The following WNT5B variants were observed in gnomAD, a reference collection of about 807,000 sequenced individuals.
WNT5B encodes protein Wnt-5b.
WNT5B carries 18 observed loss-of-function variants against 36.5 expected under a neutral mutation model. That is an observed-to-expected ratio of 0.49 (90% confidence interval 0.34 to 0.73). The LOEUF is 0.73. WNT5B is among the 30% of genes least tolerant of loss of function. WNT5B has a pLI of 0.01. For missense variants in WNT5B, 424 were observed against 508.4 expected, an observed-to-expected ratio of 0.83 and a Z score of 1.60; for synonymous variants, 213 against 212.3, an observed-to-expected ratio of 1.00 and a Z score of -0.03.
rs60739367 is a variant in WNT5B, at chr12:1,623,696, T to C, written c.-58+6553T>C. 4.2e-3 allele frequency among the ~76,000 whole-genome samples: 635 copies of C among 152,298 alleles called. 4 individuals are homozygous for C. The highest frequency in any genetic ancestry group is 0.015 in the African/African-American group (620 of 41,574). ...CCCTCCACGTTCTCTCCAAACCTTATGTTTCTTCACGTGCACTCTGTACCT... is the reference window on the plus strand; with the variant it reads ...CCCTCCACGTTCTCTCCAAACCTTACGTTTCTTCACGTGCACTCTGTACCT... On this transcript the variant is annotated intron_variant, in intron 1 of 4. Transcript: ENST00000310594.
At chr12:1,635,645 C>T (rs916763489) in intron 3 of WNT5B, among the ~76,000 whole-genome samples, 5 of 152,222 alleles carry the variant, frequency 3.3e-5, no homozygotes, top group African/African-American at 1.2e-4. Flanking sequence ...GCTTGGGAGG[C>T]TCCCTCCGTT....
chr12:1,637,273 G>C (rs896303431), intron 3 of WNT5B, among the ~76,000 whole-genome samples: 1 of 152,164 alleles, frequency 6.6e-6, no homozygotes, highest in Non-Finnish European at 1.5e-5. Flanking sequence ...GCTGCAAGAA[G>C]CATTCCTATG....
chr12:1,621,736 G>A (rs1209707131), intron 1 of WNT5B, among the ~76,000 whole-genome samples: 1 of 148,494 alleles, frequency 6.7e-6, no homozygotes, highest in Non-Finnish European at 1.5e-5. Flanking sequence ...GTAGAGATGA[G>A]GCCTCACTAT....
At position 1,646,027 on chromosome 12, in the gene WNT5B, C is replaced by G; in HGVS notation, c.855C>G (p.Pro285=). 1 of 1,612,926 alleles carries G rather than the reference C, an allele frequency of 6.2e-7. No individual in the cohort carries two copies. The highest frequency in any genetic ancestry group is 8.5e-7 in the Non-Finnish European group (1 of 1,179,984). ...PEDLVYVDPS[P]DYCLRNESTG... ...ACCTGGTCTATGTGGACCCCAGCCC[C>G]GACTACTGCCTGCGCAACGAGAGCA... Residue 285 remains proline (P), a synonymous_variant, in exon 5 of 5, where the codon CCC becomes CCG. Coordinates refer to ENST00000397196, the MANE Select transcript of WNT5B (RefSeq NM_032642.3).
chr12:1,639,530 G>A (rs1259017441), intron 3 of WNT5B, among the ~76,000 whole-genome samples, 154 bp from the exon 4 acceptor site: 3 of 152,254 alleles, frequency 2.0e-5, no homozygotes, highest in South Asian at 2.1e-4. Flanking sequence ...ATAAAGAGAC[G>A]TTTCCAAGCG....
chr12:1,631,371 T>C lies in WNT5B; in HGVS notation c.17T>C (p.Leu6Pro). 6.2e-7 allele frequency: 1 copy of C among 1,614,214 alleles called. No homozygotes were observed. Among genetic ancestry groups the C allele is most frequent in the South Asian group, 1.1e-5 (1 of 91,092 alleles). Residue 6 changes from leucine (L) to proline (P), a missense_variant, in exon 2 of 5, where the codon CTG becomes CCG. Coordinates refer to ENST00000397196, the MANE Select transcript of WNT5B (RefSeq NM_032642.3). The part of the protein sequence containing the change: MPSLL[L>P]LFTAALLSSW... ...AGGCCGACCATGCCCAGCCTGCTGC[T>C]GCTGTTCACGGCTGCTCTGCTGTCC...
intron 4 of WNT5B, among the ~76,000 whole-genome samples, chr12:1,641,137 C>T (rs949103509): frequency 2.0e-5 from 3 of 152,160 alleles, no homozygotes; most frequent in Non-Finnish European, 2.9e-5. Flanking sequence ...GTAATCCCAG[C>T]GCTTTGGGAG....
rs1473427654 is a variant in WNT5B at position 1,644,808 on chromosome 12, T to G, written c.622-986T>G. On this transcript the variant is annotated intron_variant, in intron 4 of 4. Transcript: ENST00000397196. This position sits in a 1 kb window ranked among gnomAD's most constrained non-coding sequence, Gnocchi z 5.1. ...CTGCTCTTGCTTTTACATTTTGATT[T>G]GGGATAACTCAAGTTCAAATCTACT... 6.6e-6 allele frequency: 1 copy of G among 152,240 alleles called. No homozygotes were observed. The highest frequency in any genetic ancestry group is 2.4e-5 in the African/African-American group (1 of 41,458). 9.4% of individuals were successfully genotyped at this position (152,240 alleles called of 1,614,324 possible). A position where few individuals can be genotyped will look rare whatever the true frequency, so the allele number is the denominator to read the frequency against.
At position 1,620,224 on chromosome 12, in the gene WNT5B, G is replaced by A. The variant is rs184608243; in HGVS notation, c.-58+3081G>A. On this transcript the variant is annotated intron_variant, in intron 1 of 4. Coordinates refer to the WNT5B transcript ENST00000310594. Reference sequence around the variant, plus strand: ...CTTCCTCATCACAGCCCCCTCCCTTGGAAACCACTCCCTGATGTCATCATT... The same window carrying A: ...CTTCCTCATCACAGCCCCCTCCCTTAGAAACCACTCCCTGATGTCATCATT... Among the ~76,000 whole-genome samples, 240 of 152,112 alleles carry A rather than the reference G, an allele frequency of 1.6e-3. 1 individual carries two copies. The highest frequency in any genetic ancestry group is 2.6e-3 in the Non-Finnish European group (178 of 68,004).
At chr12:1,624,989 T>C (rs10773965), upstream of WNT5B, among the ~76,000 whole-genome samples, 79,709 of 151,516 alleles carry the variant, frequency 0.53, 21,253 homozygotes, top group Non-Finnish European at 0.56. Context: ...TGAGCCTGGA[T>C]GTGAAAGTAG....
At chr12:1,635,805 T>C (rs2094559546) in intron 3 of WNT5B, among the ~76,000 whole-genome samples, 1 of 152,274 alleles carries the variant, frequency 6.6e-6, no homozygotes, top group Admixed American at 6.5e-5. Flanking sequence ...GACCGGGTCC[T>C]GTCGGCTGAA....
chr12:1,638,505 T>A (rs903234982), intron 3 of WNT5B, among the ~76,000 whole-genome samples: 11 of 152,250 alleles, frequency 7.2e-5, no homozygotes, highest in Non-Finnish European at 1.5e-5. Context: ...TTATTGGCTG[T>A]CTTTTTGATG....
At chr12:1,628,021 T>C (rs991030175), upstream of WNT5B, among the ~76,000 whole-genome samples, 1 of 152,202 alleles carries the variant, frequency 6.6e-6, no homozygotes, top group Admixed American at 6.5e-5. Flanking sequence ...GCTGCATGGA[T>C]GAATGAAGAG....
rs1403656132 is a variant in WNT5B at position 1,646,435 on chromosome 12, G to T, written c.*183G>T. ...TGGAGATCTCTGAGGAGTGGACTTT[G>T]CTGGTTCTCTCCTCTTGGTGGGTGG... On this transcript the variant is annotated 3_prime_UTR_variant, in exon 5 of 5. Transcript: ENST00000397196. 1.1e-5 allele frequency: 5 copies of T among 447,202 alleles called. No individual in the cohort carries two copies. The highest frequency in any genetic ancestry group is 1.7e-5 in the Non-Finnish European group (5 of 287,824). 27.7% of individuals were successfully genotyped at this position (447,202 alleles called of 1,614,324 possible).
At position 1,633,826 on chromosome 12, in the gene WNT5B, G is replaced by C. The variant is rs986351458; in HGVS notation, c.328+921G>C. On this transcript the variant is annotated intron_variant, in intron 3 of 4. Coordinates refer to ENST00000397196, the MANE Select transcript of WNT5B (RefSeq NM_032642.3). This position sits in a 1 kb window ranked among gnomAD's most constrained non-coding sequence, Gnocchi z 4.8. ...GAGTTGGGGAGGTAGAGATTTCTTCGTGCTCCTCTCTTAGGGAGGATACTT... is the reference window on the plus strand; with the variant it reads ...GAGTTGGGGAGGTAGAGATTTCTTCCTGCTCCTCTCTTAGGGAGGATACTT... Among the ~76,000 whole-genome samples the C allele has an allele frequency of 4.6e-5, 7 of 152,016 alleles. No individual in the cohort carries two copies. Among genetic ancestry groups the C allele is most frequent in the Admixed American group, 3.9e-4 (6 of 15,260 alleles).
chr12:1,620,153 T>G (rs1244512525), intron 1 of WNT5B, among the ~76,000 whole-genome samples: 2 of 152,144 alleles, frequency 1.3e-5, no homozygotes, highest in African/African-American at 2.4e-5. Flanking sequence ...CATCACCAGG[T>G]TGGAAAATAG....
chr12:1,623,840 A>C (rs1226545066), intron 1 of WNT5B, among the ~76,000 whole-genome samples: 8 of 152,158 alleles, frequency 5.3e-5, no homozygotes, highest in African/African-American at 1.9e-4. Flanking sequence ...CAACTCTTTA[A>C]AACTATTATG....
intron 1 of WNT5B, among the ~76,000 whole-genome samples, chr12:1,619,364 A>C (rs935859176): frequency 6.6e-6 from 1 of 152,182 alleles, no homozygotes; most frequent in African/African-American, 2.4e-5. Flanking sequence ...GGATTCATTG[A>C]GCAAAGCTTG....
rs144259665 is a variant in WNT5B at position 1,632,875 on chromosome 12, G to A, written c.298G>A (p.Ala100Thr). The change falls in exon 3 of 5, where the codon GCA (alanine) becomes ACA (threonine). Residue 100 changes from alanine to threonine, a missense_variant. Transcript: ENST00000397196. The surrounding 1 kb of genome is among the most constrained non-coding windows in gnomAD (Gnocchi z 5.8). ...RRWNCSTADN[A>T]SVFGRVMQIG... is the part of the protein sequence containing the mutation. ...GTGGAATTGCAGCACAGCGGACAAC[G>A]CATCTGTCTTTGGGAGAGTCATGCA... The A allele has an allele frequency of 1.4e-4, 222 of 1,613,706 alleles. No homozygotes were observed. The highest frequency in any genetic ancestry group is 1.7e-4 in the Non-Finnish European group (203 of 1,179,676).
Sources: allele counts gnomAD v4.1 joint callset (sites outside exome capture counted in the v4.1 genomes callset), GRCh38; gene constraint gnomAD v4.1.1; non-coding constraint Gnocchi (gnomAD v3.1); transcripts MANE v1.5; gene names NCBI Gene and HGNC (gene_info 2026-07-23, HGNC 2026-07-21).